The following RGL1 variants were observed in gnomAD, a reference collection of about 807,000 sequenced individuals.
RGL1 encodes ral guanine nucleotide dissociation stimulator-like 1.
A neutral mutation model predicts 95.2 loss-of-function variants in RGL1; 24 were observed. The observed-to-expected ratio is 0.25, with a 90% confidence interval of 0.18 to 0.35. The LOEUF is 0.35. RGL1 is among the 10% of genes least tolerant of loss of function. The pLI, the probability that RGL1 is intolerant of heterozygous loss-of-function variation, is 1.00. For missense variants in RGL1, 715 were observed against 936.3 expected (o/e 0.76, Z 3.08); for synonymous variants, 329 against 344.9 (o/e 0.95, Z 0.51).
At position 183,880,695 on chromosome 1, in the gene RGL1, C is replaced by T. The variant is rs746337538; in HGVS notation, c.505C>T (p.Gln169Ter). ...AGAGCCCCCTCACTTCCCTTGCTTA[C>T]AGAAACTGCTGGATTATCTCACACG... ...FREPPHFPCL[Q>*]KLLDYLTRMM... Residue 169 changes from glutamine to a stop codon, truncating the protein, a stop_gained, in exon 5 of 18, where the codon CAG becomes TAG. Transcript: ENST00000360851. LOFTEE classifies it high-confidence loss of function. The T allele has an allele frequency of 6.2e-7, 1 of 1,613,974 alleles. No individual in the cohort carries two copies. The highest frequency in any genetic ancestry group is 1.1e-5 in the South Asian group (1 of 91,072).
intron 1 of RGL1, among the ~76,000 whole-genome samples, chr1:183,685,620 T>C (rs946486196): frequency 7.2e-5 from 11 of 152,340 alleles, no homozygotes; most frequent in Non-Finnish European, 1.6e-4. Flanking sequence ...GCAGCAGCTC[T>C]AATGTGTAAT....
chr1:183,648,235 GC>G (rs772045770), intron 1 of RGL1: 4 of 1,614,142 alleles, frequency 2.5e-6, no homozygotes, highest in Non-Finnish European at 3.4e-6. Flanking sequence ...AAAACAACCC[GC>G]GGCCATAAGC....
chr1:183,663,037 C>T (rs1015067536), intron 1 of RGL1, among the ~76,000 whole-genome samples: 1 of 151,336 alleles, frequency 6.6e-6, no homozygotes, highest in Non-Finnish European at 1.5e-5. Flanking sequence ...GGATCCCTTC[C>T]TTACACCTTA....
intron 1 of RGL1, among the ~76,000 whole-genome samples, chr1:183,692,957 ATT>A (rs566962381): frequency 1.4e-5 from 2 of 145,376 alleles, no homozygotes; most frequent in Admixed American, 6.9e-5. Flanking sequence ...GATAAAAAAA[ATT>A]TTTTTTTTTT....
At chr1:183,807,785 A>G (rs1661440368) in intron 2 of RGL1, among the ~76,000 whole-genome samples, 1 of 152,192 alleles carries the variant, frequency 6.6e-6, no homozygotes, top group Admixed American at 6.5e-5. Flanking sequence ...TGAGAACTAG[A>G]GGTCTTCACT....
chr1:183,880,951 C>T (rs1342420039), intron 5 of RGL1, 151 bp downstream of exon 5: 1 of 693,896 alleles, frequency 1.4e-6, no homozygotes, highest in African/African-American at 1.8e-5. Context: ...ATAAAATTCT[C>T]AAGATTACTG....
At chr1:183,856,167 G>GGCTGCTATTTAAGATTTT (rs1412826310) in intron 3 of RGL1, among the ~76,000 whole-genome samples, 1 of 152,080 alleles carries the variant, frequency 6.6e-6, no homozygotes, top group South Asian at 2.1e-4. Flanking sequence ...AGTAAATGAA[G>GGCTGCTATTTAAGATTTT]GCTGCTATTT....
chr1:183,927,172 C>A lies in RGL1; in HGVS notation c.*880C>A, dbSNP rs1044288705. The A allele has an allele frequency of 1.3e-5, 2 of 152,588 alleles. No homozygotes were observed. Among genetic ancestry groups the A allele is most frequent in the Admixed American group, 6.5e-5 (1 of 15,274 alleles). 9.5% of individuals were successfully genotyped at this position (152,588 alleles called of 1,614,324 possible). The stretch of plus-strand genomic sequence containing the variant: ...AAAAGAAAGCGCAAAAGAATGGTGA[C>A]TCATTTGGACTCTTATCTGTCTTGG... On this transcript the variant is annotated 3_prime_UTR_variant, in exon 18 of 18. Coordinates refer to ENST00000360851, the MANE Select transcript of RGL1 (RefSeq NM_001297671.3).
chr1:183,891,433 G>A (rs907272139), intron 8 of RGL1, among the ~76,000 whole-genome samples: 1 of 152,122 alleles, frequency 6.6e-6, no homozygotes, highest in Non-Finnish European at 1.5e-5. Context: ...CCTTGTAGAG[G>A]TGAGAACATT....
chr1:183,638,452 A>G (rs1026766954), intron 1 of RGL1, among the ~76,000 whole-genome samples: 1 of 152,248 alleles, frequency 6.6e-6, no homozygotes, highest in Non-Finnish European at 1.5e-5. Flanking sequence ...TTGGACGAAC[A>G]TTCAGAAATT....
In RGL1 at chr1:183,897,915, C is replaced by T; in HGVS notation, c.1230+18C>T. 1 of 1,605,308 alleles carries T rather than the reference C, an allele frequency of 6.2e-7. No individual in the cohort carries two copies. The highest frequency in any genetic ancestry group is 8.5e-7 in the Non-Finnish European group (1 of 1,172,190). ...AGGACATGGTATGTCTGGCCCTCGT[C>T]TTCCCTGACAGCTCACAGAGGAGAA... On this transcript the variant is annotated intron_variant, in intron 10 of 17. Coordinates refer to ENST00000360851, the MANE Select transcript of RGL1 (RefSeq NM_001297671.3).
chr1:183,722,291 C>T (rs981423921), intron 1 of RGL1, among the ~76,000 whole-genome samples: 1 of 150,108 alleles, frequency 6.7e-6, no homozygotes, highest in Non-Finnish European at 1.5e-5. Flanking sequence ...CAAAATGAAG[C>T]TTACACACAG....
intron 2 of RGL1, among the ~76,000 whole-genome samples, chr1:183,748,266 C>G (rs1403758858): frequency 6.6e-6 from 1 of 151,816 alleles, no homozygotes; most frequent in East Asian, 1.9e-4. Flanking sequence ...CTAATCTTTT[C>G]AAAAAACCAG....
intron 3 of RGL1, among the ~76,000 whole-genome samples, chr1:183,864,029 A>G (rs1665677113): frequency 6.6e-6 from 1 of 152,206 alleles, no homozygotes; most frequent in South Asian, 2.1e-4. Flanking sequence ...AGGAACTGTG[A>G]TAGATGTTGG....
intron 1 of RGL1, among the ~76,000 whole-genome samples, chr1:183,695,462 G>C (rs1230873884): frequency 6.6e-6 from 1 of 152,126 alleles, no homozygotes; most frequent in East Asian, 1.9e-4. Flanking sequence ...AAGAAACCAG[G>C]TTTCAGAGAA....
At chr1:183,909,778 G>A (rs781701704) in intron 14 of RGL1, among the ~76,000 whole-genome samples, 3 of 152,084 alleles carry the variant, frequency 2.0e-5, no homozygotes, top group Non-Finnish European at 4.4e-5. Context: ...TTCAGCCCAC[G>A]TGCTAGTTGC....
At chr1:183,754,820 CA>C (rs1487656155) in intron 2 of RGL1, 6 of 152,162 alleles carry the variant, frequency 3.9e-5, no homozygotes, top group Non-Finnish European at 5.9e-5. Flanking sequence ...TTAAGTGTCA[CA>C]GAAAACAAAG....
At chr1:183,925,038 G>T (rs1669538326) in intron 17 of RGL1, among the ~76,000 whole-genome samples, 1 of 152,096 alleles carries the variant, frequency 6.6e-6, no homozygotes, top group East Asian at 1.9e-4. Context: ...ACTTTGCTTT[G>T]ATGATTTCAT....
At position 183,648,177 on chromosome 1, in the gene RGL1, A is replaced by G. The variant is rs1388035571; in HGVS notation, c.-33+11676A>G. 5 of 1,614,218 alleles carry G rather than the reference A, an allele frequency of 3.1e-6. No individual in the cohort carries two copies. Among genetic ancestry groups the G allele is most frequent in the East Asian group, 4.5e-5 (2 of 44,894 alleles). On this transcript the variant is annotated intron_variant, in intron 1 of 18. Coordinates refer to the RGL1 transcript ENST00000304685. ...AACATGTGATCCTGAGACACCACTT[A>G]TAAAGCTGTGGAGAACAGAATGCCA...
Sources: allele counts gnomAD v4.1 joint callset (sites outside exome capture counted in the v4.1 genomes callset), GRCh38; gene constraint gnomAD v4.1.1; transcripts MANE v1.5; gene names NCBI Gene and HGNC (gene_info 2026-07-23, HGNC 2026-07-21).